The following MAP4K5 variants were observed in gnomAD, a reference collection of about 807,000 sequenced individuals.
MAP4K5 encodes mitogen-activated protein kinase kinase kinase kinase 5.
Under a neutral mutation model 135.6 loss-of-function variants are expected in MAP4K5, and 82 were observed. That is an observed-to-expected ratio of 0.60 (90% CI 0.51 to 0.73). The LOEUF (loss-of-function observed/expected upper bound fraction) is 0.73. MAP4K5 is among the 30% of genes least tolerant of loss of function. The pLI, the probability that MAP4K5 is intolerant of heterozygous loss-of-function variation, is 0.00. For missense variants in MAP4K5, 907 were observed against 1,010.9 expected (o/e 0.90, Z 1.39); for synonymous variants, 347 against 335.0 (o/e 1.04, Z -0.39).
chr14:50,556,051 G>T (rs556026830), intron 1 of MAP4K5, among the ~76,000 whole-genome samples: 1 of 152,312 alleles, frequency 6.6e-6, no homozygotes, highest in South Asian at 2.1e-4. Context: ...TCCCGGAAGA[G>T]TCAGGAAGAG....
intron 3 of MAP4K5, among the ~76,000 whole-genome samples, chr14:50,489,899 C>T (rs2037443814): frequency 6.6e-6 from 1 of 152,172 alleles, no homozygotes; most frequent in South Asian, 2.1e-4. Context: ...GGAAACCTGG[C>T]TGCTGAGTAC....
At chr14:50,533,559 A>C (rs2038451019), upstream of MAP4K5, among the ~76,000 whole-genome samples, 1 of 152,174 alleles carries the variant, frequency 6.6e-6, no homozygotes, top group Admixed American at 6.5e-5. Flanking sequence ...CTTGCTCTGA[A>C]GGTAGAAATT....
intron 3 of MAP4K5, among the ~76,000 whole-genome samples, chr14:50,489,333 G>A (rs543663793): frequency 2.0e-5 from 3 of 152,302 alleles, no homozygotes; most frequent in African/African-American, 7.2e-5. Context: ...GGGGAACAGA[G>A]TGAGAGTCTG....
intron 6 of MAP4K5, 79 bp downstream of exon 6, chr14:50,482,282 C>G: frequency 1.4e-6 from 1 of 739,584 alleles, no homozygotes; most frequent in Non-Finnish European, 2.1e-6. Context: ...TATCAATTGT[C>G]AGGCAATTGC....
At chr14:50,429,734 C>T (rs1164258059) in intron 28 of MAP4K5, among the ~76,000 whole-genome samples, 2 of 152,052 alleles carry the variant, frequency 1.3e-5, no homozygotes, top group Non-Finnish European at 2.9e-5. Context: ...CAGAAATTTT[C>T]CTGGTATAGG....
intron 1 of MAP4K5, chr14:50,559,583 A>G (rs917462239): frequency 1.3e-5 from 2 of 152,248 alleles, no homozygotes; most frequent in Admixed American, 1.3e-4. Context: ...AATTTTACCC[A>G]GTGGATATTG....
Position 50,428,683 on chromosome 14 carries a change from C to A in MAP4K5, c.2305G>T (p.Asp769Tyr), listed in dbSNP as rs1459430790. The change falls in exon 30 of 33, where the codon GAT becomes TAT. Residue 769 changes from aspartate (D) to tyrosine (Y), a missense_variant. Transcript: ENST00000682126. ...TTACCTACAGATTCAATGCGAAAAT[C>A]AAAACTTAACTCAGAGGCCAGTTTC... The part of the protein sequence containing the change: ...SKKLASELSF[D>Y]FRIESVVCLQ... 7 of 1,516,484 alleles carry A rather than the reference C, an allele frequency of 4.6e-6. No individual in the cohort carries two copies. Among genetic ancestry groups the A allele is most frequent in the Non-Finnish European group, 6.2e-6 (7 of 1,135,232 alleles). The allele number at this position is 1,516,484 out of a possible 1,614,324, so 93.9% of individuals were successfully genotyped here. A position where few individuals can be genotyped will look rare whatever the true frequency, so the allele number is the denominator to read the frequency against.
chr14:50,443,449 A>G (rs1286298326), intron 20 of MAP4K5, among the ~76,000 whole-genome samples: 1 of 152,162 alleles, frequency 6.6e-6, no homozygotes, highest in Non-Finnish European at 1.5e-5. Flanking sequence ...CCACATCAAG[A>G]AGAGGACACA....
At position 50,464,257 on chromosome 14, in the gene MAP4K5, A is replaced by T. The variant is rs2036782040; in HGVS notation, c.738-124T>A. 4 of 601,644 alleles carry T rather than the reference A, an allele frequency of 6.6e-6. No individual in the cohort carries two copies. The Admixed American group carries it at 1.2e-4, about 18-fold the overall frequency. The allele number at this position is 601,644 out of a possible 1,614,324, so 37.3% of individuals were successfully genotyped here. On this transcript the variant is annotated intron_variant, in intron 11 of 32. Transcript: ENST00000682126. ...GATTTTTTATTGGGCCACTTAGTTA[A>T]AGTACAATATATTCCGTGGAAACAT...
intron 1 of MAP4K5, among the ~76,000 whole-genome samples, chr14:50,554,621 A>G (rs1014691571): frequency 4.6e-5 from 7 of 152,196 alleles, no homozygotes; most frequent in African/African-American, 1.4e-4. Flanking sequence ...TGAGAACCCA[A>G]ATATCTCAGA....
At chr14:50,455,178 C>A in intron 14 of MAP4K5, among the ~76,000 whole-genome samples, 1 of 151,670 alleles carries the variant, frequency 6.6e-6, no homozygotes, top group East Asian at 1.9e-4. Flanking sequence ...CAAGTTGAAT[C>A]CATACTTCTT....
At chr14:50,555,438 G>A (rs7157934) in intron 1 of MAP4K5, among the ~76,000 whole-genome samples, 151,305 of 152,288 alleles carry the variant, frequency 0.99, 75,178 homozygotes, top group Middle Eastern at 1. Flanking sequence ...CACGCCACCC[G>A]TCCCGGCTAA....
chr14:50,427,861 T>C (rs1169748047), intron 30 of MAP4K5, among the ~76,000 whole-genome samples: 1 of 152,344 alleles, frequency 6.6e-6, no homozygotes, highest in East Asian at 1.9e-4. Context: ...ACTAGCTATT[T>C]ATATAAAAAT....
Position 50,434,403 on chromosome 14 carries a change from T to C in MAP4K5, c.2155A>G (p.Ile719Val), listed in dbSNP as rs576369736. The change falls in exon 28 of 33, where the codon ATT becomes GTT. Residue 719 changes from isoleucine (I) to valine (V), a missense_variant. Around this residue, in one of 3 missense-constraint regions of MAP4K5, gnomAD observed 690 missense variants for 777.4 expected, o/e 0.89. Transcript: ENST00000682126. ...LNSASSWFTEIGAGSQQLDSI... is the reference protein window; with the variant it reads ...LNSASSWFTEVGAGSQQLDSI... Reference sequence around the variant, plus strand: ...GGTAAAAAATACTTACCTGCACCAATTTCTGTAAACCATGAAGATGCAGAG... The same window carrying C: ...GGTAAAAAATACTTACCTGCACCAACTTCTGTAAACCATGAAGATGCAGAG... The C allele has an allele frequency of 1.4e-5, 22 of 1,602,872 alleles. No homozygotes were observed. In the African/African-American group the frequency reaches 1.6e-4, roughly 12 times the overall value.
At chr14:50,422,107 A>G (rs1183431638) in intron 32 of MAP4K5, among the ~76,000 whole-genome samples, 2 of 151,960 alleles carry the variant, frequency 1.3e-5, no homozygotes, top group African/African-American at 4.8e-5. Flanking sequence ...TCGGCCTCCC[A>G]AAGTGCTGGA....
intron 2 of MAP4K5, among the ~76,000 whole-genome samples, chr14:50,525,648 C>A (rs2038248062): frequency 6.6e-6 from 1 of 152,066 alleles, no homozygotes; most frequent in African/African-American, 2.4e-5. Context: ...CCAGCCTGGG[C>A]AACATGGCGA....
Position 50,438,022 on chromosome 14 carries a change from A to T in MAP4K5, c.1709-14T>A. ...GAAAGGTTTTTCCTATAAAAGAAAAACATGTTACCTTTTTGAGAATCATTT... is the reference window on the plus strand; with the variant it reads ...GAAAGGTTTTTCCTATAAAAGAAAATCATGTTACCTTTTTGAGAATCATTT... On this transcript the variant is annotated splice_polypyrimidine_tract_variant and intron_variant, in intron 24 of 32. Coordinates refer to ENST00000682126, the MANE Select transcript of MAP4K5 (RefSeq NM_006575.6). The T allele has an allele frequency of 7.4e-7, 1 of 1,349,380 alleles. No homozygotes were observed. Among genetic ancestry groups the T allele is most frequent in the Non-Finnish European group, 1.1e-6 (1 of 940,652 alleles). 83.6% of individuals were successfully genotyped at this position (1,349,380 alleles called of 1,614,324 possible). A position where few individuals can be genotyped will look rare whatever the true frequency, so the allele number is the denominator to read the frequency against.
chr14:50,434,649 G>C, intron 27 of MAP4K5, 78 bp from the exon 28 acceptor site: 1 of 1,259,102 alleles, frequency 7.9e-7, no homozygotes, highest in South Asian at 1.4e-5. Context: ...AAAGTCAACA[G>C]AAAGACTCCT....
At chr14:50,457,689 C>CG (rs2036620916) in intron 13 of MAP4K5, among the ~76,000 whole-genome samples, 1 of 152,170 alleles carries the variant, frequency 6.6e-6, no homozygotes, top group Admixed American at 6.5e-5. Flanking sequence ...GTCATCAACT[C>CG]TAACACATGA....
Sources: allele counts gnomAD v4.1 joint callset (sites outside exome capture counted in the v4.1 genomes callset), GRCh38; gene constraint gnomAD v4.1.1; regional missense constraint gnomAD v4.1.1; transcripts MANE v1.5; gene names NCBI Gene and HGNC (gene_info 2026-07-23, HGNC 2026-07-21).